Variants in LIPI observed in about 807,000 individuals in gnomAD.
The protein encoded by LIPI is lipase member I.
Under a neutral mutation model 50.6 loss-of-function variants are expected in LIPI, and 59 were observed. The observed-to-expected ratio is 1.16, with a 90% CI of 0.94 to 1.45. The LOEUF is 1.45. Ranked by LOEUF, LIPI falls within the 40% of genes most tolerant of loss-of-function variation. The probability of loss-of-function intolerance (pLI) is 0.00; values close to 1 mark genes in which losing one functional copy is unlikely to be tolerated. For synonymous variants in LIPI, 203 were observed against 178.2 expected, an observed-to-expected ratio of 1.14 and a Z score of -1.11; for missense variants, 586 against 536.3, an observed-to-expected ratio of 1.09 and a Z score of -0.92.
chr21:14,204,875 G>T (rs1294892218), intron 1 of LIPI, among the ~76,000 whole-genome samples: 1 of 151,542 alleles, frequency 6.6e-6, no homozygotes, highest in Non-Finnish European at 1.5e-5. Flanking sequence ...AAAAACAAAG[G>T]AAGAAACCAG....
At chr21:14,196,297 C>A (rs2019850115) in intron 1 of LIPI, among the ~76,000 whole-genome samples, 1 of 151,800 alleles carries the variant, frequency 6.6e-6, no homozygotes, top group African/African-American at 2.4e-5. Flanking sequence ...TTATGCTGAG[C>A]AAAAGACTCC....
At chr21:14,185,852 C>T in intron 3 of LIPI, 109 bp downstream of exon 3, 3 of 664,680 alleles carry the variant, frequency 4.5e-6, no homozygotes, top group Admixed American at 2.2e-5. Context: ...CACTGCACTG[C>T]AGCCTGGGCA....
chr21:14,117,056 T>C (rs12627550), intron 9 of LIPI, among the ~76,000 whole-genome samples: 74,460 of 151,934 alleles, frequency 0.49, 18,371 homozygotes, highest in South Asian at 0.54. Flanking sequence ...GCCCACTGCT[T>C]GATAAATCAA....
At chr21:14,140,096 G>A (rs1054003574) in intron 9 of LIPI, among the ~76,000 whole-genome samples, 2 of 151,970 alleles carry the variant, frequency 1.3e-5, no homozygotes, top group African/African-American at 2.4e-5. Context: ...GGTCACTCTG[G>A]ACAACAAATT....
intron 9 of LIPI, among the ~76,000 whole-genome samples, chr21:14,116,748 C>A (rs2016658036): frequency 6.6e-6 from 1 of 152,084 alleles, no homozygotes; most frequent in Non-Finnish European, 1.5e-5. Flanking sequence ...GATTCAGACC[C>A]GTCCAAAATG....
chr21:14,185,124 A>G (rs1237625705), intron 3 of LIPI, among the ~76,000 whole-genome samples: 2 of 152,188 alleles, frequency 1.3e-5, no homozygotes, highest in Non-Finnish European at 2.9e-5. Context: ...TACCACTCAT[A>G]GAGGAAAGAA....
At chr21:14,123,645 A>AGGTAGC (rs1464609948) in intron 9 of LIPI, among the ~76,000 whole-genome samples, 127 of 152,342 alleles carry the variant, frequency 8.3e-4, no homozygotes, top group African/African-American at 3.1e-3. Flanking sequence ...AAGATAACAA[A>AGGTAGC]TGGCCTCCTG....
intron 9 of LIPI, among the ~76,000 whole-genome samples, chr21:14,132,905 G>T (rs115393629): frequency 0.027 from 4,143 of 152,056 alleles, 181 homozygotes; most frequent in African/African-American, 0.091. Context: ...CTAGAGGAAG[G>T]GAGTAAACTT....
chr21:14,193,877 T>A (rs370403288), intron 1 of LIPI, among the ~76,000 whole-genome samples: 1 of 152,284 alleles, frequency 6.6e-6, no homozygotes, highest in East Asian at 1.9e-4. Flanking sequence ...TATTTATTAA[T>A]CATATATCTG....
chr21:14,111,260 T>C (rs1265262602), intron 9 of LIPI, among the ~76,000 whole-genome samples: 2 of 152,088 alleles, frequency 1.3e-5, no homozygotes, highest in East Asian at 1.9e-4. Flanking sequence ...TTATAACTTT[T>C]GTCTTTATGG....
chr21:14,206,782 A>G (rs34009097), intron 1 of LIPI: 34,008 of 1,249,124 alleles, frequency 0.027, 749 homozygotes, highest in Admixed American at 0.096. Context: ...TCTTCATTTT[A>G]TATATGAAGA....
chr21:14,156,165 C>T (rs910388494), intron 7 of LIPI, among the ~76,000 whole-genome samples: 3 of 151,908 alleles, frequency 2.0e-5, no homozygotes, highest in Admixed American at 6.6e-5. Context: ...ATCCCTGGAA[C>T]CTACAAGTAT....
chr21:14,129,809 TAAAAAAA>T (rs199899861), intron 9 of LIPI, among the ~76,000 whole-genome samples: 4,018 of 136,422 alleles, frequency 0.029, 175 homozygotes, highest in African/African-American at 0.099. Context: ...TTTTTTTTTT[TAAAAAAA>T]AAAAAAGCTT....
chr21:14,189,294 G>A lies in LIPI; in HGVS notation c.172C>T (p.Pro58Ser). 6.2e-7 allele frequency: 1 copy of A among 1,613,668 alleles called. No individual in the cohort carries two copies. Among genetic ancestry groups the A allele is most frequent in the Non-Finnish European group, 8.5e-7 (1 of 1,179,612 alleles). ...YTRNNLNCAE[P>S]LFEQNNSLNV... is the part of the protein sequence containing the mutation. ...AGTGAGTTATTTTGTTCAAACAGTG[G>A]CTCAGCACAGTTTAGGTTGTTCCTT... The change falls in exon 2 of 10, where the codon CCA becomes TCA. Residue 58 changes from proline to serine, a missense_variant. Transcript: ENST00000681601.
rs76339617 is a variant in LIPI, at chr21:14,193,720, T to C, written c.47-4301A>G. On this transcript the variant is annotated intron_variant, in intron 1 of 9. Coordinates refer to ENST00000681601, the MANE Select transcript of LIPI (RefSeq NM_001302998.2). Reference sequence around the variant, plus strand: ...AAACATTCATACCTTGGATTTGGCATTGATTTCTTGAATATTACAAGAACA... The same window carrying C: ...AAACATTCATACCTTGGATTTGGCACTGATTTCTTGAATATTACAAGAACA... Among the ~76,000 whole-genome samples the C allele has an allele frequency of 3.1e-3, 474 of 152,140 alleles. 2 individuals are homozygous for C. Among genetic ancestry groups the C allele is most frequent in the African/African-American group, 0.01 (431 of 41,534 alleles).
intron 1 of LIPI, among the ~76,000 whole-genome samples, chr21:14,203,257 A>G (rs2020122759): frequency 6.6e-6 from 1 of 152,152 alleles, no homozygotes; most frequent in Non-Finnish European, 1.5e-5. Flanking sequence ...TAGTTCAACC[A>G]TTGTGGAAGT....
intron 4 of LIPI, among the ~76,000 whole-genome samples, chr21:14,167,173 A>C (rs180924807): frequency 2.6e-5 from 4 of 152,324 alleles, no homozygotes; most frequent in African/African-American, 9.6e-5. Context: ...GGTGCCTGCC[A>C]TTGCCCAGGC....
chr21:14,179,589 A>C (rs970736538), intron 4 of LIPI, among the ~76,000 whole-genome samples: 3 of 152,218 alleles, frequency 2.0e-5, no homozygotes, highest in African/African-American at 7.2e-5. Context: ...TGTTGCAGGA[A>C]GTCAGGGACC....
At chr21:14,158,505 T>G (rs1442378578) in intron 7 of LIPI, among the ~76,000 whole-genome samples, 1 of 151,094 alleles carries the variant, frequency 6.6e-6, no homozygotes, top group Non-Finnish European at 1.5e-5. Context: ...GCCAATAATT[T>G]AAGTTTCTGC....
Sources: allele counts gnomAD v4.1 joint callset (sites outside exome capture counted in the v4.1 genomes callset), GRCh38; gene constraint gnomAD v4.1.1; transcripts MANE v1.5; gene names NCBI Gene and HGNC (gene_info 2026-07-23, HGNC 2026-07-21).